Variants in CRYBG1 observed in about 807,000 individuals in gnomAD.
CRYBG1 encodes the protein crystallin beta-gamma domain containing 1.
A neutral mutation model predicts 189.2 loss-of-function variants in CRYBG1; 139 were observed. That is an observed-to-expected ratio of 0.73 (90% CI 0.64 to 0.85). The LOEUF (loss-of-function observed/expected upper bound fraction) is 0.85. CRYBG1 is among the 40% of genes least tolerant of loss of function. The pLI is 0.00. For missense variants in CRYBG1, 2,611 were observed against 2,675.8 expected (o/e 0.98, Z 0.53); for synonymous variants, 1,023 against 1,017.1 (o/e 1.01, Z -0.11).
intron 2 of CRYBG1, among the ~76,000 whole-genome samples, chr6:106,500,228 AC>A (rs1387940138): frequency 2.0e-5 from 3 of 151,840 alleles, no homozygotes; most frequent in Admixed American, 2.0e-4. Context: ...TTATTGAGGA[AC>A]CTCCACACTA....
Position 106,436,361 on chromosome 6 carries a change from C to T in CRYBG1, c.174-15333C>T, listed in dbSNP as rs796689503. Among the ~76,000 whole-genome samples the T allele has an allele frequency of 4.8e-4, 72 of 150,528 alleles. 1 individual carries two copies. The highest frequency in any genetic ancestry group is 1.7e-3 in the African/African-American group (69 of 40,928). On this transcript the variant is annotated intron_variant, in intron 1 of 21. Coordinates refer to ENST00000633556, the MANE Select transcript of CRYBG1 (RefSeq NM_001371242.2). ...TTGCCTAGGCTGGAGTGCAGCGGCG[C>T]GATCTCGGCCCACTGCAGGCTCCGC...
chr6:106,482,095 G>A (rs1562081873), intron 2 of CRYBG1, among the ~76,000 whole-genome samples: 1 of 152,102 alleles, frequency 6.6e-6, no homozygotes, highest in Non-Finnish European at 1.5e-5. Flanking sequence ...TTCAGTCAAG[G>A]TGTCAGCTGG....
chr6:106,433,629 G>A (rs1771381615), intron 1 of CRYBG1, among the ~76,000 whole-genome samples: 1 of 150,948 alleles, frequency 6.6e-6, no homozygotes. Flanking sequence ...CTGGGCTTGA[G>A]ACCTGGGCTA....
chr6:106,400,861 C>T (rs544185886), intron 1 of CRYBG1, among the ~76,000 whole-genome samples: 8 of 152,154 alleles, frequency 5.3e-5, no homozygotes, highest in Admixed American at 3.3e-4. Flanking sequence ...TGAACTAAGT[C>T]GCAAAGTAGG....
chr6:106,481,439 C>T (rs1490416718), intron 2 of CRYBG1, among the ~76,000 whole-genome samples: 3 of 152,146 alleles, frequency 2.0e-5, no homozygotes, highest in Non-Finnish European at 4.4e-5. Context: ...CCACCCCATG[C>T]TGGTCTTCAT....
rs147338496 is a variant in CRYBG1, at chr6:106,488,812, G to A, written c.313-22618G>A. Among the ~76,000 whole-genome samples, 331 of 152,282 alleles carry A rather than the reference G, an allele frequency of 2.2e-3. 2 individuals are homozygous for A. The highest frequency in any genetic ancestry group is 3.1e-3 in the Non-Finnish European group (208 of 68,022). On this transcript the variant is annotated intron_variant, in intron 2 of 21. Transcript: ENST00000633556. ...TCTGGGTAGCTGGGGTACTGGTATT[G>A]TAGGCACCTGTGGGAATTTAGTGTA... is the stretch of plus-strand genomic sequence containing the variant.
chr6:106,494,474 A>C (rs1772798095), intron 2 of CRYBG1, among the ~76,000 whole-genome samples: 1 of 152,204 alleles, frequency 6.6e-6, no homozygotes, highest in South Asian at 2.1e-4. Context: ...GAGCCAGCAG[A>C]TGCTTAATAT....
chr6:106,456,785 T>C (rs1246664875), intron 2 of CRYBG1, among the ~76,000 whole-genome samples: 1 of 152,120 alleles, frequency 6.6e-6, no homozygotes, highest in Non-Finnish European at 1.5e-5. Context: ...TCTCACCTCG[T>C]TTCTTAGACT....
chr6:106,510,135 A>C (rs572523016), intron 2 of CRYBG1, among the ~76,000 whole-genome samples: 5 of 152,134 alleles, frequency 3.3e-5, no homozygotes, highest in African/African-American at 1.2e-4. Context: ...CCAGGACTCA[A>C]GCTAGCACCT....
In CRYBG1 at chr6:106,375,413, G is replaced by GTAAATAAATAAA. The variant is rs1491094293; in HGVS notation, c.173+14335_173+14336insATAAATAAATAA. Reference sequence around the variant, plus strand: ...AGTAAGTAAGTAAGTAAGTAAGTAAGTAAGTAAGTAAATAAATAAATAAAT... The same window carrying GTAAATAAATAAA: ...AGTAAGTAAGTAAGTAAGTAAGTAAGTAAATAAATAAATAAGTAAGTAAATAAATAAATAAAT... On this transcript the variant is annotated intron_variant, in intron 1 of 21. Coordinates refer to ENST00000633556, the MANE Select transcript of CRYBG1 (RefSeq NM_001371242.2). 7.6e-4 allele frequency among the ~76,000 whole-genome samples: 107 copies of GTAAATAAATAAA among 140,502 alleles called. 1 individual carries two copies. Among genetic ancestry groups the GTAAATAAATAAA allele is most frequent in the Middle Eastern group, 7.5e-3 (2 of 266 alleles). 92.2% of individuals were successfully genotyped at this position (140,502 alleles called of 152,430 possible). A position where few individuals can be genotyped will look rare whatever the true frequency, so the allele number is the denominator to read the frequency against.
chr6:106,392,453 A>G (rs1770526837), intron 1 of CRYBG1, among the ~76,000 whole-genome samples: 1 of 152,214 alleles, frequency 6.6e-6, no homozygotes, highest in African/African-American at 2.4e-5. Context: ...GAGGCAGCAG[A>G]CTAGAGGTAG....
chr6:106,425,894 T>C (rs1415505238), intron 1 of CRYBG1, among the ~76,000 whole-genome samples: 1 of 152,130 alleles, frequency 6.6e-6, no homozygotes. Context: ...TGCCTCAGCC[T>C]CCCAAAGTGC....
At chr6:106,515,671 T>C (rs1773400291) in intron 3 of CRYBG1, among the ~76,000 whole-genome samples, 1 of 152,090 alleles carries the variant, frequency 6.6e-6, no homozygotes, top group Admixed American at 6.5e-5. Flanking sequence ...AAATTTAAGG[T>C]ATGGGCCTGC....
At chr6:106,378,116 C>T (rs1352821523) in intron 1 of CRYBG1, among the ~76,000 whole-genome samples, 1 of 152,110 alleles carries the variant, frequency 6.6e-6, no homozygotes, top group South Asian at 2.1e-4. Context: ...AGCCCTGTCA[C>T]CCCCCGGTCA....
At chr6:106,419,120 C>T (rs1009012872) in intron 1 of CRYBG1, among the ~76,000 whole-genome samples, 4 of 152,200 alleles carry the variant, frequency 2.6e-5, no homozygotes, top group Non-Finnish European at 5.9e-5. Context: ...TTGAACATGC[C>T]TAGCTCCCAG....
rs377761104 is a variant in CRYBG1 at position 106,552,178 on chromosome 6, T to C, written c.5440-6T>C. 3 of 1,586,942 alleles carry C rather than the reference T, an allele frequency of 1.9e-6. No individual in the cohort carries two copies. In the African/African-American group the frequency reaches 4.1e-5, roughly 22 times the overall value. ...TTCCTTTTCTCCTTCCTTTAAAAAT[T>C]TTTAGGATTCTTTCACTGGCCCAAG... On this transcript the variant is annotated splice_region_variant and splice_polypyrimidine_tract_variant and intron_variant, in intron 14 of 21. Transcript: ENST00000633556.
intron 1 of CRYBG1, among the ~76,000 whole-genome samples, chr6:106,407,127 A>G (rs1048243725): frequency 2.0e-5 from 3 of 152,234 alleles, no homozygotes; most frequent in African/African-American, 7.2e-5. Context: ...AGTGTGCTGT[A>G]TTCAGGAGAC....
At chr6:106,402,660 A>C (rs1214776603) in intron 1 of CRYBG1, among the ~76,000 whole-genome samples, 2 of 151,742 alleles carry the variant, frequency 1.3e-5, no homozygotes, top group African/African-American at 2.4e-5. Flanking sequence ...AGATGGATTA[A>C]AGATTTAAAC....
intron 14 of CRYBG1, 100 bp from the exon 15 acceptor site, chr6:106,552,084 T>C: frequency 6.9e-7 from 1 of 1,448,312 alleles, no homozygotes. Flanking sequence ...ATATTCTGAG[T>C]TTATTTTTAG....
Sources: gnomAD v4.1 joint callset for allele counts (sites outside exome capture counted in the v4.1 genomes callset) on GRCh38, gnomAD v4.1.1 for gene constraint, MANE v1.5 for transcripts, NCBI Gene and HGNC (gene_info 2026-07-23, HGNC 2026-07-21) for gene names.